Variants in TSPAN4 observed in about 807,000 individuals in gnomAD.
The protein encoded by TSPAN4 is tetraspanin 4.
In TSPAN4, 38 loss-of-function variants were observed where a neutral mutation model predicts 31.5. The ratio of observed to expected loss-of-function variants is 1.21; its 90% CI spans 0.93 to 1.58. The LOEUF (loss-of-function observed/expected upper bound fraction) is 1.58. Among genes scored for constraint, TSPAN4 ranks in the 40% most tolerant of loss-of-function variants. The pLI, the probability that TSPAN4 is intolerant of heterozygous loss-of-function variation, is 0.00. For synonymous variants in TSPAN4, 186 were observed against 144.6 expected, an observed-to-expected ratio of 1.29 and a Z score of -2.06; for missense variants, 330 against 317.3, an observed-to-expected ratio of 1.04 and a Z score of -0.30.
Position 850,333 on chromosome 11 carries a change from A to C in TSPAN4, c.29A>C (p.Lys10Thr). ...GCGCGCGCCTGCCTCCAGGCCGTCA[A>C]GTACCTCATGTTCGCCTTCAACCTG... is the stretch of plus-strand genomic sequence containing the variant. MARACLQAV[K>T]YLMFAFNLLF... The change falls in exon 3 of 9, where the codon AAG becomes ACG. Residue 10 changes from lysine (K) to threonine (T), a missense_variant. Coordinates refer to ENST00000397397, the MANE Select transcript of TSPAN4 (RefSeq NM_003271.5). 1 of 1,607,742 alleles carries C rather than the reference A, an allele frequency of 6.2e-7. No individual in the cohort carries two copies. The highest frequency in any genetic ancestry group is 1.1e-5 in the South Asian group (1 of 90,978).
At chr11:844,521 G>T (rs1590218258) in intron 1 of TSPAN4, 1 of 152,260 alleles carries the variant, frequency 6.6e-6, no homozygotes. Context: ...GGGGGCCCAG[G>T]CCTGTCCTCA....
At chr11:860,442 A>T (rs1848394492) in intron 3 of TSPAN4, among the ~76,000 whole-genome samples, 1 of 152,152 alleles carries the variant, frequency 6.6e-6, no homozygotes, top group Non-Finnish European at 1.5e-5. Context: ...TGGCTGATGC[A>T]CTGCTCAGGG....
In TSPAN4 at chr11:865,816, G is replaced by A; in HGVS notation, c.555G>A (p.Trp185Ter). Residue 185 changes from tryptophan (W) to a stop codon, truncating the protein, a stop_gained, in exon 7 of 9, where the codon TGG (tryptophan) becomes TGA (stop). Transcript: ENST00000397397. LOFTEE classifies it high-confidence loss of function. ...GTGGGCTGCACGCCCCCGGCACCTG[G>A]TGGAAGGCGGTGAGTGAGACCCCCA... is the stretch of plus-strand genomic sequence containing the variant. The part of the protein sequence containing the change: ...ESCGLHAPGT[W>*]WKAPCYETVK... 1 of 1,612,328 alleles carries A rather than the reference G, an allele frequency of 6.2e-7. No individual in the cohort carries two copies. Among genetic ancestry groups the A allele is most frequent in the Non-Finnish European group, 8.5e-7 (1 of 1,179,658 alleles).
intron 3 of TSPAN4, among the ~76,000 whole-genome samples, chr11:859,985 C>T (rs1393226007): frequency 6.6e-6 from 1 of 152,206 alleles, no homozygotes; most frequent in African/African-American, 2.4e-5. Context: ...GTCCAGCTCC[C>T]CTGTGCGCTG....
chr11:850,067 C>T (rs1222155681), intron 2 of TSPAN4: 1 of 375,862 alleles, frequency 2.7e-6, no homozygotes, highest in Middle Eastern at 6.8e-4. Context: ...CGTACCGGCG[C>T]AGCCCCTCTC....
intron 3 of TSPAN4, among the ~76,000 whole-genome samples, chr11:854,399 A>G (rs1438287633): frequency 2.0e-5 from 3 of 151,858 alleles, no homozygotes; most frequent in African/African-American, 4.8e-5. Context: ...TCATTTTCCC[A>G]TCTGCACCAT....
chr11:844,765 C>T (rs1847207775), intron 1 of TSPAN4, among the ~76,000 whole-genome samples: 2 of 148,902 alleles, frequency 1.3e-5, no homozygotes, highest in Non-Finnish European at 1.5e-5. Flanking sequence ...TAGAAGGGGG[C>T]GTTGTGGAGC....
chr11:848,862 C>A lies in TSPAN4; in HGVS notation c.-17-1426C>A. ...AGCTGGGGGCCTCTGTCCCCATCTC[C>A]GGCTGTGGGAGGTGTGTGCGCATCC... On this transcript the variant is annotated intron_variant, in intron 2 of 8. Transcript: ENST00000397397. This position sits in a 1 kb window ranked among gnomAD's most constrained non-coding sequence, Gnocchi z 5.7. 1 of 696,024 alleles carries A rather than the reference C, an allele frequency of 1.4e-6. No individual in the cohort carries two copies. The allele number at this position is 696,024 out of a possible 1,614,324, so 43.1% of individuals were successfully genotyped here.
intron 3 of TSPAN4, among the ~76,000 whole-genome samples, chr11:856,137 C>T (rs954310054): frequency 6.0e-4 from 92 of 152,304 alleles, no homozygotes; most frequent in African/African-American, 2.1e-3. Flanking sequence ...AATGCATGGG[C>T]CTCAGCAGCA....
At chr11:851,030 C>T (rs976084220) in intron 3 of TSPAN4, among the ~76,000 whole-genome samples, 4 of 152,236 alleles carry the variant, frequency 2.6e-5, no homozygotes, top group African/African-American at 9.6e-5. Flanking sequence ...CAGGTGTGCT[C>T]AGACCTGCAG....
At chr11:855,215 G>A (rs1349080800) in intron 3 of TSPAN4, among the ~76,000 whole-genome samples, 2 of 152,192 alleles carry the variant, frequency 1.3e-5, no homozygotes, top group African/African-American at 4.8e-5. Context: ...GGCTGTCTCT[G>A]GGGGCAGAGA....
intron 3 of TSPAN4, 154 bp from the exon 4 acceptor site, chr11:862,396 C>T (rs924244299): frequency 5.1e-5 from 34 of 663,972 alleles, no homozygotes; most frequent in Middle Eastern, 4.2e-4. Context: ...GACACCCCCC[C>T]GGGCTGCCGT....
chr11:857,648 CCG>C (rs1260923268), intron 3 of TSPAN4: 1 of 152,192 alleles, frequency 6.6e-6, no homozygotes, highest in Non-Finnish European at 1.5e-5. Context: ...CGTGATCTGC[CCG>C]CCTCGGCCTT....
chr11:866,143 G>T lies in TSPAN4; in HGVS notation c.648+142G>T, dbSNP rs1415129277. 4.7e-6 allele frequency: 4 copies of T among 854,388 alleles called. No homozygotes were observed. The African/African-American group carries it at 6.7e-5, about 14-fold the overall frequency. The allele number at this position is 854,388 out of a possible 1,614,324, so 52.9% of individuals were successfully genotyped here. On this transcript the variant is annotated intron_variant, in intron 8 of 8. Transcript: ENST00000397397. ...CAAAAGCAGGAGGGCGAGTTCAGGG[G>T]GATGGGCAGGGACGGCCTGTGGGGA... is the stretch of plus-strand genomic sequence containing the variant.
At position 866,788 on chromosome 11, in the gene TSPAN4, G is replaced by A; in HGVS notation, c.*158G>A. On this transcript the variant is annotated 3_prime_UTR_variant, in exon 9 of 9. Coordinates refer to ENST00000397397, the MANE Select transcript of TSPAN4 (RefSeq NM_003271.5). Reference sequence around the variant, plus strand: ...AGCCCCCGGAACCCTGTTTCTGGAAGGCCCTAGCTCAGGTGGCTTCAGGGC... The same window carrying A: ...AGCCCCCGGAACCCTGTTTCTGGAAAGCCCTAGCTCAGGTGGCTTCAGGGC... 1.2e-6 allele frequency: 1 copy of A among 816,930 alleles called. No homozygotes were observed. The highest frequency in any genetic ancestry group is 1.7e-5 in the African/African-American group (1 of 57,312). 50.6% of individuals were successfully genotyped at this position (816,930 alleles called of 1,614,324 possible). A position where few individuals can be genotyped will look rare whatever the true frequency, so the allele number is the denominator to read the frequency against.
At chr11:850,414 C>A in intron 3 of TSPAN4, 47 bp downstream of exon 3, 1 of 1,549,140 alleles carries the variant, frequency 6.5e-7, no homozygotes, top group African/African-American at 1.4e-5. Context: ...CCCGGGGTCC[C>A]TCCCGCGGCG....
In TSPAN4 at chr11:862,653, T is replaced by C. The variant is rs1312997562; in HGVS notation, c.167T>C (p.Leu56Ser). 6.2e-7 allele frequency: 1 copy of C among 1,613,344 alleles called. No individual in the cohort carries two copies. The highest frequency in any genetic ancestry group is 1.1e-5 in the South Asian group (1 of 91,086). Residue 56 changes from leucine (L) to serine (S), a missense_variant, in exon 4 of 9, where the codon TTG becomes TCG. By Grantham distance (145) the Leu-to-Ser change is moderately radical. Transcript: ENST00000397397. ...TTCCCGTCCCTGTCGGCTGCCAACTTGCTCATCATCACCGGCGCCTTTGTC... is the reference window on the plus strand; with the variant it reads ...TTCCCGTCCCTGTCGGCTGCCAACTCGCTCATCATCACCGGCGCCTTTGTC... ...SSFPSLSAAN[L>S]LIITGAFVMA...
chr11:856,645 C>A (rs967144061), intron 3 of TSPAN4, among the ~76,000 whole-genome samples: 2 of 152,218 alleles, frequency 1.3e-5, no homozygotes, highest in Admixed American at 1.3e-4. Context: ...TTTCCGGGTC[C>A]AGGCCCAGAT....
intron 3 of TSPAN4, among the ~76,000 whole-genome samples, chr11:853,833 G>T (rs1323311235): frequency 1.3e-5 from 2 of 152,222 alleles, no homozygotes; most frequent in African/African-American, 4.8e-5. Flanking sequence ...GTTGGGGAGT[G>T]GGAAGCAGGC....
Sources: allele counts gnomAD v4.1 joint callset (sites outside exome capture counted in the v4.1 genomes callset), GRCh38; gene constraint gnomAD v4.1.1; non-coding constraint Gnocchi (gnomAD v3.1); transcripts MANE v1.5; gene names NCBI Gene and HGNC (gene_info 2026-07-23, HGNC 2026-07-21).